RAD51B: variants seen among roughly 807,000 people sequenced by gnomAD.
RAD51B encodes RAD51 paralog B, also known as DNA repair protein RAD51 homolog 2.
A neutral mutation model predicts 42.2 loss-of-function variants in RAD51B; 38 were observed. The observed-to-expected ratio is 0.90, with a 90% CI of 0.70 to 1.18. The LOEUF is 1.18. RAD51B is among the 50% of genes most tolerant of loss of function. RAD51B has a pLI of 0.00. For synonymous variants in RAD51B, 154 were observed against 145.2 expected, an observed-to-expected ratio of 1.06 and a Z score of -0.43; for missense variants, 373 against 400.7, an observed-to-expected ratio of 0.93 and a Z score of 0.59.
chr14:68,078,811 G>T (rs1217360177), intron 7 of RAD51B, among the ~76,000 whole-genome samples: 1 of 152,058 alleles, frequency 6.6e-6, no homozygotes, highest in Non-Finnish European at 1.5e-5. Context: ...GCAAAAGAGG[G>T]AGCCCCTGTC....
At chr14:68,108,232 A>G (rs887434619) in intron 7 of RAD51B, among the ~76,000 whole-genome samples, 65 of 152,042 alleles carry the variant, frequency 4.3e-4, no homozygotes, top group African/African-American at 1.5e-3. Flanking sequence ...AAAGTTAAAC[A>G]TAGAGTTACC....
intron 7 of RAD51B, among the ~76,000 whole-genome samples, chr14:68,044,225 C>A (rs772664389): frequency 7.2e-5 from 11 of 152,158 alleles, no homozygotes; most frequent in Admixed American, 3.3e-4. Flanking sequence ...ACATGGATAT[C>A]TTTAGGTTCA....
intron 7 of RAD51B, among the ~76,000 whole-genome samples, chr14:68,269,714 C>G (rs79418795): frequency 6.6e-6 from 1 of 152,218 alleles, no homozygotes; most frequent in South Asian, 2.1e-4. Context: ...GTCTGGTTCT[C>G]TGTTGTTACC....
chr14:68,319,165 G>A (rs1416636218), intron 8 of RAD51B, among the ~76,000 whole-genome samples: 1 of 152,174 alleles, frequency 6.6e-6, no homozygotes, highest in Non-Finnish European at 1.5e-5. Flanking sequence ...TGTTGTTTTG[G>A]TGACTGCTTT....
intron 4 of RAD51B, among the ~76,000 whole-genome samples, chr14:67,838,371 G>A (rs919905340): frequency 1.3e-5 from 2 of 151,980 alleles, no homozygotes; most frequent in Non-Finnish European, 2.9e-5. Flanking sequence ...AAATGTTAAC[G>A]GTGGGTGGAT....
intron 10 of RAD51B, among the ~76,000 whole-genome samples, chr14:68,507,286 T>C (rs1034111855): frequency 1.8e-4 from 27 of 152,178 alleles, no homozygotes; most frequent in African/African-American, 6.5e-4. Flanking sequence ...GGTGTCCTCG[T>C]GTGTGTTTAT....
chr14:68,420,463 AAGT>A (rs1223285801), intron 9 of RAD51B, among the ~76,000 whole-genome samples: 1 of 151,972 alleles, frequency 6.6e-6, no homozygotes, highest in Non-Finnish European at 1.5e-5. Context: ...GCTAAACAAG[AAGT>A]GGATTATTCA....
At chr14:67,843,731 G>A (rs1413700307) in intron 4 of RAD51B, among the ~76,000 whole-genome samples, 1 of 11,676 alleles carries the variant, frequency 8.6e-5, no homozygotes, top group Non-Finnish European at 1.8e-4. Flanking sequence ...TTGTTTATTT[G>A]GATCTTTTTT....
intron 7 of RAD51B, among the ~76,000 whole-genome samples, chr14:68,189,868 G>A (rs182885866): frequency 6.6e-6 from 1 of 152,126 alleles, no homozygotes; most frequent in East Asian, 1.9e-4. Context: ...ATTTCACGAT[G>A]TTGATCAGGC....
chr14:68,303,440 C>T (rs1289619622), intron 8 of RAD51B, among the ~76,000 whole-genome samples: 3 of 139,696 alleles, frequency 2.1e-5, no homozygotes, highest in Non-Finnish European at 4.6e-5. Context: ...ACATGTATCC[C>T]AGAATATAAA....
intron 7 of RAD51B, among the ~76,000 whole-genome samples, chr14:68,266,053 C>T (rs1030356311): frequency 2.6e-5 from 4 of 152,174 alleles, no homozygotes; most frequent in Non-Finnish European, 4.4e-5. Flanking sequence ...ATCCCTACCC[C>T]TGAGCAGTCC....
chr14:68,120,665 G>A (rs73286265), intron 7 of RAD51B, among the ~76,000 whole-genome samples: 2 of 151,994 alleles, frequency 1.3e-5, no homozygotes, highest in Non-Finnish European at 2.9e-5. Context: ...CCAACTGAGG[G>A]TGTCACCCTT....
At chr14:68,089,738 A>T (rs1566636182) in intron 7 of RAD51B, among the ~76,000 whole-genome samples, 1 of 152,078 alleles carries the variant, frequency 6.6e-6, no homozygotes, top group African/African-American at 2.4e-5. Flanking sequence ...GTAAATGTTT[A>T]TGTGTGTGTG....
At chr14:67,895,541 A>G (rs934193360) in intron 7 of RAD51B, among the ~76,000 whole-genome samples, 7 of 152,140 alleles carry the variant, frequency 4.6e-5, no homozygotes, top group African/African-American at 9.7e-5. Flanking sequence ...CTATGCTCAG[A>G]AGCATTGTAT....
At chr14:68,317,118 C>T (rs922216254) in intron 8 of RAD51B, among the ~76,000 whole-genome samples, 10 of 152,006 alleles carry the variant, frequency 6.6e-5, no homozygotes, top group African/African-American at 2.2e-4. Context: ...TTGAGATTAG[C>T]ACTTATATTT....
chr14:67,981,012 C>T lies in RAD51B; in HGVS notation c.756+93808C>T, dbSNP rs541980143. Among the ~76,000 whole-genome samples, 17 of 152,078 alleles carry T rather than the reference C, an allele frequency of 1.1e-4. No individual in the cohort carries two copies. The South Asian group carries it at 3.1e-3, about 28-fold the overall frequency. ...ACTTATATTCAAAATATATAAGGAA[C>T]TCTCAAAATTCAATAAAAAATCAAA... is the stretch of plus-strand genomic sequence containing the variant. On this transcript the variant is annotated intron_variant, in intron 7 of 10. Coordinates refer to ENST00000471583, the MANE Select transcript of RAD51B (RefSeq NM_133510.4).
intron 7 of RAD51B, among the ~76,000 whole-genome samples, chr14:68,290,621 G>A (rs1176304392): frequency 1.3e-5 from 2 of 151,934 alleles, no homozygotes; most frequent in African/African-American, 4.8e-5. Context: ...GTGAGACTTT[G>A]GACTTTTTTT....
chr14:68,383,846 G>A (rs1336283760), intron 8 of RAD51B, among the ~76,000 whole-genome samples: 1 of 152,132 alleles, frequency 6.6e-6, no homozygotes, highest in Admixed American at 6.5e-5. Context: ...CAGCTAGTAA[G>A]CTGTGGAGTC....
chr14:68,506,438 T>C (rs1885326623), intron 10 of RAD51B, among the ~76,000 whole-genome samples: 1 of 152,204 alleles, frequency 6.6e-6, no homozygotes, highest in Non-Finnish European at 1.5e-5. Flanking sequence ...CTCTGTTGCA[T>C]GAACGCCTGT....
Sources: allele counts gnomAD v4.1 joint callset (sites outside exome capture counted in the v4.1 genomes callset), GRCh38; gene constraint gnomAD v4.1.1; transcripts MANE v1.5; gene names NCBI Gene and HGNC (gene_info 2026-07-23, HGNC 2026-07-21).